Variants in TSC22D1 observed in about 807,000 individuals in gnomAD.
TSC22D1 encodes TSC22 domain family protein 1.
TSC22D1 carries 9 observed loss-of-function variants against 74.2 expected under a neutral mutation model. The observed-to-expected ratio is 0.12, with a 90% CI of 0.07 to 0.21. TSC22D1 has a LOEUF of 0.21. TSC22D1 is among the 10% of genes least tolerant of loss of function. TSC22D1 has a pLI of 1.00. For synonymous variants in TSC22D1, 586 were observed against 492.5 expected, an observed-to-expected ratio of 1.19 and a Z score of -2.51; for missense variants, 1,427 against 1,304.7, an observed-to-expected ratio of 1.09 and a Z score of -1.44.
chr13:44,452,647 C>G (rs1876237276), intron 1 of TSC22D1: 2 of 155,064 alleles, frequency 1.3e-5, no homozygotes, highest in African/African-American at 4.8e-5. Flanking sequence ...CTGGTGATGC[C>G]CCCCCAGTAC....
At chr13:44,545,581 T>C (rs1295843806) in intron 1 of TSC22D1, among the ~76,000 whole-genome samples, 2 of 144,306 alleles carry the variant, frequency 1.4e-5, no homozygotes, top group Admixed American at 6.9e-5. Flanking sequence ...TATAAGGTAC[T>C]GAAAAAAAAA....
chr13:44,541,625 T>C (rs966191880), intron 1 of TSC22D1, among the ~76,000 whole-genome samples: 4 of 152,132 alleles, frequency 2.6e-5, no homozygotes, highest in Non-Finnish European at 5.9e-5. Context: ...TTTAGATCAG[T>C]AGGCTTTAAA....
At chr13:44,533,448 ACT>A (rs1880968543) in intron 1 of TSC22D1, among the ~76,000 whole-genome samples, 1 of 148,768 alleles carries the variant, frequency 6.7e-6, no homozygotes, top group Non-Finnish European at 1.5e-5. Flanking sequence ...TAAGAGTAAG[ACT>A]CTGTATCAAA....
intron 1 of TSC22D1, among the ~76,000 whole-genome samples, chr13:44,517,115 C>A (rs1422331096): frequency 6.6e-6 from 1 of 152,048 alleles, no homozygotes; most frequent in Admixed American, 6.6e-5. Context: ...CACATGTATA[C>A]CTGTATATAA....
intron 1 of TSC22D1, among the ~76,000 whole-genome samples, chr13:44,548,672 T>C (rs1217904629): frequency 3.9e-5 from 6 of 152,106 alleles, no homozygotes; most frequent in Admixed American, 6.6e-5. Context: ...AACAACTTAA[T>C]ACCAGCAAGA....
chr13:44,536,754 CAA>C, intron 1 of TSC22D1: 9 of 984,182 alleles, frequency 9.1e-6, no homozygotes, highest in Non-Finnish European at 1.1e-5. Context: ...TAATGGTTTG[CAA>C]AATTGAGGTA....
At chr13:44,517,853 A>ATTTTTTTT (rs1438542551) in intron 1 of TSC22D1, among the ~76,000 whole-genome samples, 12 of 23,262 alleles carry the variant, frequency 5.2e-4, no homozygotes, top group African/African-American at 8.1e-4. Flanking sequence ...ATATATATAT[A>ATTTTTTTT]TATATTTTTT....
chr13:44,538,271 C>T, intron 1 of TSC22D1: 1 of 985,274 alleles, frequency 1.0e-6, no homozygotes, highest in Non-Finnish European at 1.2e-6. Flanking sequence ...TCTTCTACTT[C>T]TCTATTAGAA....
At chr13:44,462,578 A>G (rs1199426075) in intron 1 of TSC22D1, among the ~76,000 whole-genome samples, 3 of 152,204 alleles carry the variant, frequency 2.0e-5, no homozygotes, top group Non-Finnish European at 4.4e-5. Context: ...ACAAATGGCA[A>G]TGTGTACAAT....
At chr13:44,524,632 C>T (rs1566153099) in intron 1 of TSC22D1, among the ~76,000 whole-genome samples, 3 of 152,216 alleles carry the variant, frequency 2.0e-5, no homozygotes, top group Non-Finnish European at 2.9e-5. Flanking sequence ...CTGCAACCTC[C>T]GCTTCCCGGA....
rs1463523613 is a variant in TSC22D1 at position 44,574,621 on chromosome 13, C to A, written c.1454G>T (p.Gly485Val). 1 of 1,613,964 alleles carries A rather than the reference C, an allele frequency of 6.2e-7. No individual in the cohort carries two copies. Among genetic ancestry groups the A allele is most frequent in the Non-Finnish European group, 8.5e-7 (1 of 1,180,038 alleles). The change falls in exon 1 of 3, where the codon GGA becomes GTA. Residue 485 changes from glycine (G) to valine (V), a missense_variant. By Grantham distance (109) the Gly-to-Val change is moderately radical. Around this residue, in one of 3 missense-constraint regions of TSC22D1, gnomAD observed 1,343 missense variants for 1,191.5 expected, o/e 1.13. Coordinates refer to ENST00000458659, the MANE Select transcript of TSC22D1 (RefSeq NM_183422.4). The part of the protein sequence containing the change: ...STLSHYTESV[G>V]SGEMGAPTVV... ...AGTAGGGGCTCCCATCTCTCCACTT[C>A]CCACACTCTCTGTATAGTGACTCAG...
At chr13:44,561,041 T>A (rs1420002959) in intron 1 of TSC22D1, among the ~76,000 whole-genome samples, 2 of 152,110 alleles carry the variant, frequency 1.3e-5, no homozygotes, top group Non-Finnish European at 2.9e-5. Context: ...AGAAATGCTA[T>A]GCAAAAATAC....
chr13:44,553,599 G>A (rs983002927), intron 1 of TSC22D1, among the ~76,000 whole-genome samples: 3 of 152,100 alleles, frequency 2.0e-5, no homozygotes, highest in African/African-American at 7.2e-5. Context: ...TGAAAAAGTT[G>A]AGAATCACTT....
chr13:44,544,257 T>C lies in TSC22D1; in HGVS notation c.2912+28906A>G, dbSNP rs181375757. 5.9e-5 allele frequency among the ~76,000 whole-genome samples: 9 copies of C among 152,178 alleles called. No homozygotes were observed. The East Asian group carries it at 1.5e-3, about 26-fold the overall frequency. ...TTGCAACAATTACAGATTTCTAATA[T>C]TCTTTTTCAGAGATTTAAAAGTAGT... On this transcript the variant is annotated intron_variant, in intron 1 of 2. Transcript: ENST00000458659.
At chr13:44,551,310 G>GGGGTGT (rs1555272439) in intron 1 of TSC22D1, among the ~76,000 whole-genome samples, 26 of 132,858 alleles carry the variant, frequency 2.0e-4, no homozygotes, top group Admixed American at 6.8e-4. Flanking sequence ...ATCAGCTGGG[G>GGGGTGT]GTGTGTGTGT....
chr13:44,506,671 T>G (rs760207287), intron 1 of TSC22D1, among the ~76,000 whole-genome samples: 1 of 152,264 alleles, frequency 6.6e-6, no homozygotes, highest in Non-Finnish European at 1.5e-5. Context: ...TGTAAGAAGA[T>G]AGCTAGAAGG....
At chr13:44,481,732 A>C (rs1878186741) in intron 1 of TSC22D1, among the ~76,000 whole-genome samples, 1 of 152,170 alleles carries the variant, frequency 6.6e-6, no homozygotes, top group African/African-American at 2.4e-5. Context: ...AAATACTTCT[A>C]ATAATCCACA....
At chr13:44,564,351 G>A (rs1043595099) in intron 1 of TSC22D1, among the ~76,000 whole-genome samples, 13 of 152,012 alleles carry the variant, frequency 8.6e-5, no homozygotes, top group African/African-American at 2.9e-4. Flanking sequence ...ATCTAATTAC[G>A]AACTGTAATA....
chr13:44,539,816 C>T (rs1209321277), intron 1 of TSC22D1: 1 of 1,289,242 alleles, frequency 7.8e-7, no homozygotes, highest in South Asian at 1.2e-5. Context: ...ATTCTGTCTC[C>T]AAGGGTTCAG....
Sources: allele counts gnomAD v4.1 joint callset (sites outside exome capture counted in the v4.1 genomes callset), GRCh38; gene constraint gnomAD v4.1.1; regional missense constraint gnomAD v4.1.1; transcripts MANE v1.5; gene names NCBI Gene and HGNC (gene_info 2026-07-23, HGNC 2026-07-21).